The following ANO8 variants were observed in gnomAD, a reference collection of about 807,000 sequenced individuals.
ANO8 encodes the protein anoctamin-8.
ANO8 carries 67 observed loss-of-function variants against 120.4 expected under a neutral mutation model. The ratio of observed to expected loss-of-function variants is 0.56; its 90% CI spans 0.46 to 0.68. The LOEUF (loss-of-function observed/expected upper bound fraction) is 0.68, where lower values mean the gene tolerates loss of function less well. ANO8 is among the 30% of genes least tolerant of loss of function. The pLI, the probability that ANO8 is intolerant of heterozygous loss-of-function variation, is 0.00. For missense variants in ANO8, 1,526 were observed against 1,737.6 expected, an observed-to-expected ratio of 0.88 and a Z score of 2.16; for synonymous variants, 727 against 759.2, an observed-to-expected ratio of 0.96 and a Z score of 0.70.
At chr19:17,327,147 C>G in intron 16 of ANO8, 88 bp downstream of exon 16, 4 of 1,150,556 alleles carry the variant, frequency 3.5e-6, no homozygotes, top group Non-Finnish European at 4.9e-6. Flanking sequence ...TCTGCATTTG[C>G]CCTTACGCTA....
At chr19:17,329,867 C>G in intron 11 of ANO8, 36 bp from the exon 12 acceptor site, 1 of 1,613,130 alleles carries the variant, frequency 6.2e-7, no homozygotes, top group Non-Finnish European at 8.5e-7. Flanking sequence ...CATCCTGCAC[C>G]CCCACCCGAC....
Position 17,323,311 on chromosome 19 carries a change from C to CTGTGTGTGTGTGTGTGTGTGTG in ANO8, c.*184_*205dup, listed in dbSNP as rs58263758. Reference sequence around the variant, plus strand: ...AAAAACAAATAAATAATCGCCTGTTCTGTGTGTGTGTGTGTGTGTGTGTGT... The same window carrying CTGTGTGTGTGTGTGTGTGTGTG: ...AAAAACAAATAAATAATCGCCTGTTCTGTGTGTGTGTGTGTGTGTGTGTGTGTGTGTGTGTGTGTGTGTGTGT... On this transcript the variant is annotated 3_prime_UTR_variant, in exon 18 of 18. Coordinates refer to ENST00000159087, the MANE Select transcript of ANO8 (RefSeq NM_020959.3). 1.2e-5 allele frequency: 4 copies of CTGTGTGTGTGTGTGTGTGTGTG among 327,486 alleles called. No individual in the cohort carries two copies. The highest frequency in any genetic ancestry group is 1.7e-5 in the Non-Finnish European group (3 of 180,456). 20.3% of individuals were successfully genotyped at this position (327,486 alleles called of 1,614,324 possible). A position where few individuals can be genotyped will look rare whatever the true frequency, so the allele number is the denominator to read the frequency against.
chr19:17,324,718 T>C lies in ANO8; in HGVS notation c.3330A>G (p.Ser1110=). The part of the protein sequence containing the change: ...LEAPRPEEEG[S]GTALAPVGAP... ...CACCCCCGAGTTAAAGCTTGTGACCTGAGCCTTCCTCTTCGGGCCGGGGGG... is the reference window on the plus strand; with the variant it reads ...CACCCCCGAGTTAAAGCTTGTGACCCGAGCCTTCCTCTTCGGGCCGGGGGG... The change falls in exon 17 of 18, where the codon TCA becomes TCG. Residue 1110 remains serine, a splice_region_variant and synonymous_variant. Coordinates refer to ENST00000159087, the MANE Select transcript of ANO8 (RefSeq NM_020959.3). 6.6e-7 allele frequency: 1 copy of C among 1,520,906 alleles called. No individual in the cohort carries two copies. The highest frequency in any genetic ancestry group is 8.8e-7 in the Non-Finnish European group (1 of 1,136,914). The allele number at this position is 1,520,906 out of a possible 1,614,324, so 94.2% of individuals were successfully genotyped here. A position where few individuals can be genotyped will look rare whatever the true frequency, so the allele number is the denominator to read the frequency against.
At chr19:17,329,104 G>A in intron 12 of ANO8, 121 bp from the exon 13 acceptor site, 2 of 761,286 alleles carry the variant, frequency 2.6e-6, no homozygotes, top group Non-Finnish European at 3.9e-6. Context: ...GCCGAATCCG[G>A]TTCCTAACTC....
intron 12 of ANO8, chr19:17,329,294 C>T: frequency 2.7e-6 from 1 of 376,264 alleles, no homozygotes; most frequent in Admixed American, 4.6e-5. Context: ...GCTTGCTGGC[C>T]GCCCCCGACC....
chr19:17,327,913 T>A, intron 13 of ANO8, 33 bp from the exon 14 acceptor site: 3 of 1,600,870 alleles, frequency 1.9e-6, no homozygotes, highest in Non-Finnish European at 2.6e-6. Flanking sequence ...CCTGGAAGCC[T>A]CTTCCCTGGG....
In ANO8 at chr19:17,334,594, T is replaced by C; in HGVS notation, c.77A>G (p.Glu26Gly). ...ERGKRPPPEG[E>G]PAAPASGVLD... ...AACTCCGGACGCCGGGGCTGCAGGC[T>C]CGCCCTCCGGCGGGGGCCTCTTGCC... Residue 26 changes from glutamate (E) to glycine (G), a missense_variant, in exon 1 of 18, where the codon GAG (glutamate) becomes GGG (glycine). Transcript: ENST00000159087. The C allele has an allele frequency of 6.5e-7, 1 of 1,549,728 alleles. No individual in the cohort carries two copies. Among genetic ancestry groups the C allele is most frequent in the East Asian group, 2.5e-5 (1 of 39,590 alleles).
intron 12 of ANO8, chr19:17,329,459 C>A: frequency 2.1e-6 from 1 of 465,386 alleles, no homozygotes; most frequent in Non-Finnish European, 3.9e-6. Flanking sequence ...GAGGAGCAGG[C>A]GGAACCGCAG....
At chr19:17,332,081 C>T (rs765881260) in intron 5 of ANO8, among the ~76,000 whole-genome samples, 16 of 150,902 alleles carry the variant, frequency 1.1e-4, no homozygotes, top group Admixed American at 7.3e-4. Context: ...ACTACAGGCG[C>T]GCGCCAACCA....
chr19:17,324,026 G>A, intron 17 of ANO8, 142 bp from the exon 18 acceptor site: 1 of 944,296 alleles, frequency 1.1e-6, no homozygotes, highest in Non-Finnish European at 1.3e-6. Flanking sequence ...AGGTGGGGCG[G>A]CCCCCTGGGC....
chr19:17,331,784 C>T (rs915809973), intron 5 of ANO8, among the ~76,000 whole-genome samples: 5 of 151,882 alleles, frequency 3.3e-5, no homozygotes, highest in Non-Finnish European at 7.4e-5. Context: ...TAGGCGCCCA[C>T]CACCACGCCC....
chr19:17,333,513 T>A lies in ANO8; in HGVS notation c.259A>T (p.Ile87Phe). 2 of 1,613,010 alleles carry A rather than the reference T, an allele frequency of 1.2e-6. No individual in the cohort carries two copies. Among genetic ancestry groups the A allele is most frequent in the Non-Finnish European group, 1.7e-6 (2 of 1,179,974 alleles). The change falls in exon 3 of 18, where the codon ATC becomes TTC. Residue 87 changes from isoleucine to phenylalanine, a missense_variant. By Grantham distance (21) the Ile-to-Phe change is conservative. Coordinates refer to ENST00000159087, the MANE Select transcript of ANO8 (RefSeq NM_020959.3). This position sits in a 1 kb window ranked among gnomAD's most constrained non-coding sequence, Gnocchi z 7.2. ...DHTLLWLLNH[I>F]RVGIPELIVQ... ...ATGAGCTCGGGAATGCCCACGCGGA[T>A]GTGGTTCAGCAGCCATAGCAGCGTG... is the stretch of plus-strand genomic sequence containing the variant.
chr19:17,327,985 C>T (rs2074284542), intron 13 of ANO8, 105 bp from the exon 14 acceptor site: 6 of 1,474,504 alleles, frequency 4.1e-6, no homozygotes, highest in Non-Finnish European at 4.6e-6. Flanking sequence ...CAGGGCCTGT[C>T]CCCATCCTCA....
At chr19:17,330,772 C>G in intron 8 of ANO8, 56 bp downstream of exon 8, 1 of 1,563,556 alleles carries the variant, frequency 6.4e-7, no homozygotes, top group South Asian at 1.2e-5. Flanking sequence ...CTGCAGTGCC[C>G]CCCACCATTT....
intron 12 of ANO8, 38 bp downstream of exon 12, chr19:17,329,718 TG>T: frequency 1.9e-6 from 3 of 1,568,810 alleles, no homozygotes; most frequent in South Asian, 1.1e-5. Flanking sequence ...CTGGCCGCCA[TG>T]GGGGCAGGGG....
rs184020330 is a variant in ANO8 at position 17,327,997 on chromosome 19, C to A, written c.2227-117G>T. The A allele has an allele frequency of 4.0e-5, 57 of 1,441,004 alleles. No individual in the cohort carries two copies. The African/African-American group carries it at 6.4e-4, about 16-fold the overall frequency. 89.3% of individuals were successfully genotyped at this position (1,441,004 alleles called of 1,614,324 possible). Reference sequence around the variant, plus strand: ...ACCCAGGGCCTGTCCCCATCCTCAGCCAGCCCAGAGGCTTCCTGTATCTGG... The same window carrying A: ...ACCCAGGGCCTGTCCCCATCCTCAGACAGCCCAGAGGCTTCCTGTATCTGG... On this transcript the variant is annotated intron_variant, in intron 13 of 17. Transcript: ENST00000159087.
At chr19:17,325,984 G>T (rs937589000) in intron 16 of ANO8, among the ~76,000 whole-genome samples, 1 of 152,206 alleles carries the variant, frequency 6.6e-6, no homozygotes, top group Non-Finnish European at 1.5e-5. Flanking sequence ...GGCCCACACT[G>T]AGGTTCTCTG....
chr19:17,329,625 C>A (rs920872760), intron 12 of ANO8, 132 bp downstream of exon 12: 2 of 680,334 alleles, frequency 2.9e-6, no homozygotes, highest in Admixed American at 2.6e-5. Flanking sequence ...GGACAACGGA[C>A]GGACAGACAG....
In ANO8 at chr19:17,323,345, T is replaced by G. The variant is rs1470985618; in HGVS notation, c.*172A>C. 3.5e-6 allele frequency: 1 copy of G among 287,732 alleles called. No homozygotes were observed. Among genetic ancestry groups the G allele is most frequent in the East Asian group, 4.2e-5 (1 of 23,836 alleles). The allele number at this position is 287,732 out of a possible 1,614,324, so 17.8% of individuals were successfully genotyped here. ...TGTGTGTGTGTGTGTGTGTGTGTGT[T>G]TTCTGTTGGATTTGTGGGTTTCCTT... On this transcript the variant is annotated 3_prime_UTR_variant, in exon 18 of 18. Transcript: ENST00000159087.
Sources: allele counts gnomAD v4.1 joint callset (sites outside exome capture counted in the v4.1 genomes callset), GRCh38; gene constraint gnomAD v4.1.1; non-coding constraint Gnocchi (gnomAD v3.1); transcripts MANE v1.5; gene names NCBI Gene and HGNC (gene_info 2026-07-23, HGNC 2026-07-21).